SLC25A48: variants seen among roughly 807,000 people sequenced by gnomAD.
SLC25A48 encodes the protein solute carrier family 25 member 48.
In SLC25A48, 29 loss-of-function variants were observed where a neutral mutation model predicts 32.2. The observed-to-expected ratio is 0.90, with a 90% CI of 0.67 to 1.23. The LOEUF is 1.23. Among genes scored for constraint, SLC25A48 ranks in the 50% most tolerant of loss-of-function variants. SLC25A48 has a pLI of 0.00. For synonymous variants in SLC25A48, 164 were observed against 172.3 expected (o/e 0.95, Z 0.38); for missense variants, 399 against 422.7 (o/e 0.94, Z 0.49).
intron 3 of SLC25A48, among the ~76,000 whole-genome samples, chr5:135,729,036 G>A (rs1268551323): frequency 3.3e-5 from 5 of 152,052 alleles, no homozygotes; most frequent in Admixed American, 6.6e-5. Context: ...AAACAGATGC[G>A]AAACGGGTCC....
At chr5:135,750,004 CTG>C (rs1242453012) in intron 3 of SLC25A48, among the ~76,000 whole-genome samples, 5 of 152,200 alleles carry the variant, frequency 3.3e-5, no homozygotes, top group Non-Finnish European at 7.3e-5. Flanking sequence ...CATCCATCGT[CTG>C]TCTCTAGCTC....
intron 4 of SLC25A48, among the ~76,000 whole-genome samples, chr5:135,829,518 A>C (rs1050331814): frequency 1.3e-5 from 2 of 152,118 alleles, no homozygotes; most frequent in Non-Finnish European, 2.9e-5. Flanking sequence ...CCTTGTCAGG[A>C]AAGAAAGGAT....
At chr5:135,810,337 G>A (rs948486807) in intron 3 of SLC25A48, among the ~76,000 whole-genome samples, 18 of 152,150 alleles carry the variant, frequency 1.2e-4, no homozygotes, top group African/African-American at 3.9e-4. Flanking sequence ...CTAATCTGTG[G>A]ATTGTGAAAC....
chr5:135,841,106 T>C (rs1381364630), intron 1 of SLC25A48, among the ~76,000 whole-genome samples: 1 of 152,204 alleles, frequency 6.6e-6, no homozygotes, highest in African/African-American at 2.4e-5. Context: ...CAATTGTAGC[T>C]ATCCTAGTGC....
At chr5:135,867,722 G>T (rs1047948611) in intron 4 of SLC25A48, among the ~76,000 whole-genome samples, 1 of 152,202 alleles carries the variant, frequency 6.6e-6, no homozygotes, top group African/African-American at 2.4e-5. Flanking sequence ...GTTGGACTTT[G>T]GGCCTCACCA....
At chr5:135,622,064 G>A (rs1402842879) in intron 1 of SLC25A48, among the ~76,000 whole-genome samples, 2 of 152,112 alleles carry the variant, frequency 1.3e-5, no homozygotes, top group Non-Finnish European at 2.9e-5. Flanking sequence ...AACGGAGAAG[G>A]CCAAGAAGCA....
intron 3 of SLC25A48, among the ~76,000 whole-genome samples, chr5:135,640,550 G>T (rs1752810354): frequency 6.6e-6 from 1 of 151,990 alleles, no homozygotes; most frequent in African/African-American, 2.4e-5. Context: ...GGAAACTAAA[G>T]ACCAATATCC....
At chr5:135,594,522 T>C (rs1052741992) in intron 1 of SLC25A48, among the ~76,000 whole-genome samples, 1 of 152,198 alleles carries the variant, frequency 6.6e-6, no homozygotes, top group Admixed American at 6.5e-5. Flanking sequence ...GCCAGGTCAG[T>C]ACCCTCATAG....
intron 3 of SLC25A48, among the ~76,000 whole-genome samples, chr5:135,728,928 G>T (rs1221206294): frequency 6.6e-6 from 1 of 151,446 alleles, no homozygotes; most frequent in Non-Finnish European, 1.5e-5. Flanking sequence ...TAAAACAGAT[G>T]AGAGCTCCAC....
At chr5:135,777,982 G>T (rs1055966872) in intron 3 of SLC25A48, among the ~76,000 whole-genome samples, 2 of 151,754 alleles carry the variant, frequency 1.3e-5, no homozygotes, top group South Asian at 2.1e-4. Flanking sequence ...ATCGCAAATG[G>T]TGTACACAGT....
chr5:135,714,110 G>T (rs1022629159), intron 3 of SLC25A48, among the ~76,000 whole-genome samples: 1 of 152,190 alleles, frequency 6.6e-6, no homozygotes, highest in Non-Finnish European at 1.5e-5. Context: ...TTCCCTGGGG[G>T]CGCTGGGCTC....
At chr5:135,800,066 A>G (rs1757283749) in intron 3 of SLC25A48, among the ~76,000 whole-genome samples, 1 of 151,780 alleles carries the variant, frequency 6.6e-6, no homozygotes, top group South Asian at 2.1e-4. Context: ...CAGGAACTGT[A>G]CACCCCCCTG....
At chr5:135,778,074 G>C (rs1005838235) in intron 3 of SLC25A48, among the ~76,000 whole-genome samples, 3 of 151,454 alleles carry the variant, frequency 2.0e-5, no homozygotes, top group African/African-American at 7.3e-5. Context: ...CCACCCCTGT[G>C]ATATTATTCC....
intron 3 of SLC25A48, among the ~76,000 whole-genome samples, chr5:135,751,154 T>A (rs11950728): frequency 0.3 from 46,096 of 152,066 alleles, 7,143 homozygotes; most frequent in East Asian, 0.46. Flanking sequence ...TGCTGATTGT[T>A]TGACACTGCT....
At chr5:135,750,625 G>A (rs1313050492) in intron 3 of SLC25A48, among the ~76,000 whole-genome samples, 2 of 152,080 alleles carry the variant, frequency 1.3e-5, no homozygotes, top group African/African-American at 4.8e-5. Flanking sequence ...AGGGATGGGG[G>A]GCAATGTTGT....
At chr5:135,579,933 T>A (rs765504774) in intron 1 of SLC25A48, among the ~76,000 whole-genome samples, 1 of 152,258 alleles carries the variant, frequency 6.6e-6, no homozygotes, top group Non-Finnish European at 1.5e-5. Context: ...CGCTCTCAGC[T>A]TTTGTTTCAT....
At chr5:135,859,213 C>A (rs1232554262) in intron 4 of SLC25A48, among the ~76,000 whole-genome samples, 1 of 152,128 alleles carries the variant, frequency 6.6e-6, no homozygotes, top group Non-Finnish European at 1.5e-5. Flanking sequence ...TTAATTGACT[C>A]ACAGTTCCAC....
intron 3 of SLC25A48, among the ~76,000 whole-genome samples, chr5:135,676,413 CT>C (rs981004200): frequency 1.3e-4 from 19 of 151,760 alleles, no homozygotes; most frequent in Non-Finnish European, 2.2e-4. Flanking sequence ...TCAATTTTGT[CT>C]TTTCAAAAAA....
At chr5:135,765,721 T>C (rs1756198812) in intron 3 of SLC25A48, among the ~76,000 whole-genome samples, 1 of 151,674 alleles carries the variant, frequency 6.6e-6, no homozygotes, top group African/African-American at 2.4e-5. Context: ...TTAGTTTCTA[T>C]ATCACAGAGG....
Sources: gnomAD v4.1 joint callset for allele counts (sites outside exome capture counted in the v4.1 genomes callset) on GRCh38, gnomAD v4.1.1 for gene constraint, MANE v1.5 for transcripts, NCBI Gene and HGNC (gene_info 2026-07-23, HGNC 2026-07-21) for gene names.